The following ACTR1B variants were observed in gnomAD, a reference collection of about 807,000 sequenced individuals.
ACTR1B encodes beta-centractin.
ACTR1B carries 34 observed loss-of-function variants against 49.4 expected under a neutral mutation model. The observed-to-expected ratio is 0.69, with a 90% CI of 0.52 to 0.92. The LOEUF (loss-of-function observed/expected upper bound fraction) is 0.92, where lower values mean the gene tolerates loss of function less well. ACTR1B is among the 40% of genes least tolerant of loss of function. The pLI, the probability that ACTR1B is intolerant of heterozygous loss-of-function variation, is 0.00. For missense variants in ACTR1B, 471 were observed against 522.4 expected (o/e 0.90, Z 0.96); for synonymous variants, 207 against 207.8 (o/e 1.00, Z 0.03).
Position 97,663,939 on chromosome 2 carries a change from G to A in ACTR1B, c.-49C>T, listed in dbSNP as rs768188462. On this transcript the variant is annotated 5_prime_UTR_variant, in exon 1 of 11. Coordinates refer to ENST00000289228, the MANE Select transcript of ACTR1B (RefSeq NM_005735.4). ...CAGCAGGCGGGCTGCAGGAGGCACC[G>A]GATGGGCGGGCGGGCGGGAGGACCG... 4 of 1,015,820 alleles carry A rather than the reference G, an allele frequency of 3.9e-6. No homozygotes were observed. The South Asian group carries it at 9.2e-5, about 23-fold the overall frequency. The allele number at this position is 1,015,820 out of a possible 1,614,324, so 62.9% of individuals were successfully genotyped here.
chr2:97,657,678 C>T (rs1257122592), intron 8 of ACTR1B, among the ~76,000 whole-genome samples, 169 bp from the exon 9 acceptor site: 1 of 152,242 alleles, frequency 6.6e-6, no homozygotes, highest in Non-Finnish European at 1.5e-5. Context: ...TGCCTGCGGG[C>T]CCTGCGTCCT....
At position 97,660,658 on chromosome 2, in the gene ACTR1B, G is replaced by C. The variant is rs774134186; in HGVS notation, c.114-12C>G. 8.1e-6 allele frequency: 13 copies of C among 1,613,360 alleles called. No homozygotes were observed. In the Middle Eastern group the frequency reaches 6.6e-4, roughly 82 times the overall value. On this transcript the variant is annotated splice_polypyrimidine_tract_variant and intron_variant, in intron 2 of 10. Coordinates refer to ENST00000289228, the MANE Select transcript of ACTR1B (RefSeq NM_005735.4). ...TCGGCCGCCCGACACTGTTAGGACG[G>C]ATAACGTCAGCAAGGTGGGCAGGGA...
At chr2:97,663,221 A>G (rs949986815) in intron 1 of ACTR1B, among the ~76,000 whole-genome samples, 1 of 151,962 alleles carries the variant, frequency 6.6e-6, no homozygotes, top group Non-Finnish European at 1.5e-5. Flanking sequence ...CCAAACGATC[A>G]CCCCAAATTG....
chr2:97,659,159 C>T lies in ACTR1B; in HGVS notation c.316-156G>A, dbSNP rs560389053. Among the ~76,000 whole-genome samples, 11 of 152,298 alleles carry T rather than the reference C, an allele frequency of 7.2e-5. No homozygotes were observed. Among genetic ancestry groups the T allele is most frequent in the African/African-American group, 1.9e-4 (8 of 41,578 alleles). On this transcript the variant is annotated intron_variant, in intron 4 of 10. Coordinates refer to ENST00000289228, the MANE Select transcript of ACTR1B (RefSeq NM_005735.4). This position sits in a 1 kb window ranked among gnomAD's most constrained non-coding sequence, Gnocchi z 4.0. ...CTTTATCTGCTGGCAGTTACTCTTC[C>T]GGAGATCCGGCTCTCTTTGGAAGAT...
chr2:97,662,037 C>A, intron 1 of ACTR1B, 91 bp from the exon 2 acceptor site: 2 of 1,357,982 alleles, frequency 1.5e-6, no homozygotes, highest in South Asian at 1.3e-5. Flanking sequence ...CCCGTCAAGG[C>A]AGGCCAAGGA....
At chr2:97,662,588 T>C (rs1381975968) in intron 1 of ACTR1B, among the ~76,000 whole-genome samples, 1 of 152,018 alleles carries the variant, frequency 6.6e-6, no homozygotes, top group Non-Finnish European at 1.5e-5. Context: ...ACCTGGAAGC[T>C]GGACTTAAGG....
chr2:97,661,734 GCT>G, intron 2 of ACTR1B, 146 bp downstream of exon 2: 1 of 718,182 alleles, frequency 1.4e-6, no homozygotes, highest in Non-Finnish European at 2.4e-6. Context: ...TTCTTTCAGT[GCT>G]CTCTCAAGAG....
At chr2:97,663,111 G>A (rs11886239) in intron 1 of ACTR1B, among the ~76,000 whole-genome samples, 20,552 of 152,134 alleles carry the variant, frequency 0.14, 2,252 homozygotes, top group African/African-American at 0.3. Context: ...ATCAGAGCTC[G>A]GAAGCCAGAA....
rs769762491 is a variant in ACTR1B at position 97,658,017 on chromosome 2, TGTA to T, written c.848_850del (p.Ile283_His284delinsAsn). On this transcript the variant is annotated inframe_deletion, in exon 8 of 11. Transcript: ENST00000289228. The surrounding 1 kb of genome is among the most constrained non-coding windows in gnomAD (Gnocchi z 5.9). The stretch of plus-strand genomic sequence containing the variant: ...CCGGCGCAGGTCCATGTCGGACTTG[TGTA>T]TGGCGAAGGCCACCACCTCATGGAG... 6.2e-7 allele frequency: 1 copy of T among 1,614,028 alleles called. No individual in the cohort carries two copies. Among genetic ancestry groups the T allele is most frequent in the Non-Finnish European group, 8.5e-7 (1 of 1,180,034 alleles).
At chr2:97,660,007 C>T (rs1015584665) in intron 3 of ACTR1B, 2 of 187,452 alleles carry the variant, frequency 1.1e-5, no homozygotes, top group African/African-American at 4.7e-5. Context: ...CTTAGCTCCT[C>T]TCACCACCTC....
chr2:97,660,420 C>T lies in ACTR1B; in HGVS notation c.189+151G>A. On this transcript the variant is annotated intron_variant, in intron 3 of 10. Transcript: ENST00000289228. ...CTCCCTAGAAGAGGAACTGCTGCCCCATCTCAGGGGGAGGTGCCCCTGCAC... is the reference window on the plus strand; with the variant it reads ...CTCCCTAGAAGAGGAACTGCTGCCCTATCTCAGGGGGAGGTGCCCCTGCAC... The T allele has an allele frequency of 2.1e-5, 15 of 709,606 alleles. No homozygotes were observed. In the South Asian group the frequency reaches 2.6e-4, roughly 12 times the overall value. 44.0% of individuals were successfully genotyped at this position (709,606 alleles called of 1,614,324 possible).
chr2:97,660,864 CAG>C (rs1048205345), intron 2 of ACTR1B, among the ~76,000 whole-genome samples: 50 of 152,324 alleles, frequency 3.3e-4, no homozygotes, highest in Middle Eastern at 3.4e-3. Flanking sequence ...GCACGGTCAG[CAG>C]AGACAGCTGC....
chr2:97,661,073 G>A (rs912783550), intron 2 of ACTR1B, among the ~76,000 whole-genome samples: 3 of 152,206 alleles, frequency 2.0e-5, no homozygotes, highest in East Asian at 1.9e-4. Flanking sequence ...TCAGTCAAGC[G>A]CCCTACCCCA....
In ACTR1B at chr2:97,659,015, G is replaced by A. The variant is rs146121896; in HGVS notation, c.316-12C>T. ...AGGAGCACAGGATGCTGCGAGGGAC[G>A]GGACAGTTGTAGGCATCAGAGGAGG... On this transcript the variant is annotated splice_polypyrimidine_tract_variant and intron_variant, in intron 4 of 10. Coordinates refer to ENST00000289228, the MANE Select transcript of ACTR1B (RefSeq NM_005735.4). The surrounding 1 kb of genome is among the most constrained non-coding windows in gnomAD (Gnocchi z 4.0). 8.1e-6 allele frequency: 13 copies of A among 1,613,956 alleles called. No individual in the cohort carries two copies. The highest frequency in any genetic ancestry group is 4.0e-5 in the African/African-American group (3 of 75,038).
rs551047888 is a variant in ACTR1B, at chr2:97,658,170, C to G, written c.751-53G>C. The G allele has an allele frequency of 1.2e-5, 20 of 1,613,394 alleles. No individual in the cohort carries two copies. The highest frequency in any genetic ancestry group is 3.3e-5 in the South Asian group (3 of 91,086). ...GGCTTCCTGGAGAAGCGGGCTACCC[C>G]TTCCCCCAGGCTGGGCATCGGCTGC... On this transcript the variant is annotated intron_variant, in intron 7 of 10. Transcript: ENST00000289228. This position sits in a 1 kb window ranked among gnomAD's most constrained non-coding sequence, Gnocchi z 5.9.
intron 2 of ACTR1B, among the ~76,000 whole-genome samples, chr2:97,660,883 G>A (rs1043923132): frequency 2.6e-5 from 4 of 152,156 alleles, no homozygotes; most frequent in Non-Finnish European, 5.9e-5. Context: ...CTGCATGTCT[G>A]AGCGCCAGAA....
At chr2:97,660,513 C>T (rs1362996966) in intron 3 of ACTR1B, 58 bp downstream of exon 3, 2 of 1,553,416 alleles carry the variant, frequency 1.3e-6, no homozygotes, top group South Asian at 1.1e-5. Flanking sequence ...AGAACACATG[C>T]CATGTTCCTG....
At chr2:97,661,091 C>T (rs866697574) in intron 2 of ACTR1B, among the ~76,000 whole-genome samples, 9 of 152,346 alleles carry the variant, frequency 5.9e-5, no homozygotes, top group Non-Finnish European at 1.0e-4. Flanking sequence ...CCACTGCCAG[C>T]GCTTCTGGAT....
Position 97,664,029 on chromosome 2 carries a change from C to T in ACTR1B, c.-139G>A. ...TCCCCGAGCCTGCAGCCTACGCGAG[C>T]CCCGCGGGGCTTTCTGGAGGGCGGG... On this transcript the variant is annotated 5_prime_UTR_variant, in exon 1 of 11. Coordinates refer to ENST00000289228, the MANE Select transcript of ACTR1B (RefSeq NM_005735.4). The T allele has an allele frequency of 2.6e-6, 1 of 382,836 alleles. No homozygotes were observed. Among genetic ancestry groups the T allele is most frequent in the Non-Finnish European group, 4.3e-6 (1 of 232,910 alleles). 23.7% of individuals were successfully genotyped at this position (382,836 alleles called of 1,614,324 possible).
Sources: allele counts gnomAD v4.1 joint callset (sites outside exome capture counted in the v4.1 genomes callset), GRCh38; gene constraint gnomAD v4.1.1; non-coding constraint Gnocchi (gnomAD v3.1); transcripts MANE v1.5; gene names NCBI Gene and HGNC (gene_info 2026-07-23, HGNC 2026-07-21).